Variants in ATP13A4 observed in about 807,000 individuals in gnomAD.
The protein encoded by ATP13A4 is ATPase 13A4.
In ATP13A4, 114 loss-of-function variants were observed where a neutral mutation model predicts 142.5. The observed-to-expected ratio is 0.80, with a 90% CI of 0.69 to 0.93. The LOEUF (loss-of-function observed/expected upper bound fraction) is 0.93, where lower values mean the gene tolerates loss of function less well. Ranked by LOEUF, ATP13A4 falls within the 40% of genes least tolerant of loss-of-function variation. The pLI, the probability that ATP13A4 is intolerant of heterozygous loss-of-function variation, is 0.00. For missense variants in ATP13A4, 1,392 were observed against 1,454.0 expected (o/e 0.96, Z 0.69); for synonymous variants, 488 against 514.8 (o/e 0.95, Z 0.70).
At chr3:193,580,190 T>C (rs1164133948) in intron 2 of ATP13A4, among the ~76,000 whole-genome samples, 1 of 152,198 alleles carries the variant, frequency 6.6e-6, no homozygotes, top group Admixed American at 6.5e-5. Flanking sequence ...CTCCTGCTGA[T>C]ATAGCCTGGT....
chr3:193,589,958 C>T (rs1353039503), intron 1 of ATP13A4, among the ~76,000 whole-genome samples: 1 of 110,832 alleles, frequency 9.0e-6, no homozygotes, highest in Non-Finnish European at 1.9e-5. Context: ...TGTTCTTTTG[C>T]CAAAAAAAAA....
At chr3:193,450,481 T>C (rs1035715406) in intron 17 of ATP13A4, among the ~76,000 whole-genome samples, 2 of 152,136 alleles carry the variant, frequency 1.3e-5, no homozygotes, top group Non-Finnish European at 2.9e-5. Flanking sequence ...TAGCAGAGAC[T>C]GGGAAAAGTA....
chr3:193,466,608 A>C (rs1718303271), intron 10 of ATP13A4, among the ~76,000 whole-genome samples: 1 of 152,244 alleles, frequency 6.6e-6, no homozygotes, highest in South Asian at 2.1e-4. Context: ...CCCACCCTGG[A>C]AAGAACTTGG....
chr3:193,565,174 T>G (rs906886722), intron 2 of ATP13A4, among the ~76,000 whole-genome samples: 1 of 152,230 alleles, frequency 6.6e-6, no homozygotes, highest in Non-Finnish European at 1.5e-5. Context: ...CAACAGTCCA[T>G]GGAAAATTTG....
intron 17 of ATP13A4, among the ~76,000 whole-genome samples, chr3:193,450,785 T>G (rs1360294491): frequency 6.6e-6 from 1 of 152,162 alleles, no homozygotes; most frequent in Non-Finnish European, 1.5e-5. Context: ...TCTGAGGAAC[T>G]TCTGAGCCCC....
chr3:193,410,659 T>C (rs1258275880), intron 28 of ATP13A4, among the ~76,000 whole-genome samples: 1 of 152,156 alleles, frequency 6.6e-6, no homozygotes, highest in African/African-American at 2.4e-5. Flanking sequence ...TTTGAGGCTA[T>C]AGTGAACTAC....
intron 16 of ATP13A4, among the ~76,000 whole-genome samples, chr3:193,455,272 C>A (rs1372808289): frequency 1.4e-5 from 2 of 140,456 alleles, no homozygotes; most frequent in African/African-American, 5.4e-5. Context: ...ACCCGGGAGG[C>A]GGAGCTTGCA....
chr3:193,534,305 C>G (rs551934493), intron 1 of ATP13A4, among the ~76,000 whole-genome samples: 1 of 152,054 alleles, frequency 6.6e-6, no homozygotes, highest in South Asian at 2.1e-4. Flanking sequence ...AACACAATAC[C>G]CAAAAGTTTC....
Position 193,457,027 on chromosome 3 carries a change from C to T in ATP13A4, c.1888G>A (p.Val630Met), listed in dbSNP as rs1334521934. Reference protein sequence around the residue: ...LAFMKGAPERVASFCQPETVP... With the variant: ...LAFMKGAPERMASFCQPETVP... The stretch of plus-strand genomic sequence containing the variant: ...GTCTCAGGTTGGCAAAAGCTGGCCA[C>T]CCTCTCTGGTGCACCTTTCATGAAT... Residue 630 changes from valine (V) to methionine (M), a missense_variant, in exon 16 of 30, where the codon GTG (valine) becomes ATG (methionine). Transcript: ENST00000342695. The T allele has an allele frequency of 6.2e-7, 1 of 1,614,016 alleles. No homozygotes were observed. Among genetic ancestry groups the T allele is most frequent in the East Asian group, 2.2e-5 (1 of 44,876 alleles).
rs139454208 is a variant in ATP13A4 at position 193,407,777 on chromosome 3, G to T, written c.3298-384C>A. Among the ~76,000 whole-genome samples, 3 of 152,294 alleles carry T rather than the reference G, an allele frequency of 2.0e-5. No homozygotes were observed. The East Asian group carries it at 5.8e-4, about 29-fold the overall frequency. ...GCTTTGTTTTGTTTTCAAAAGGGAG[G>T]CAGGAATGTGGCTTTATCCCCAGGA... On this transcript the variant is annotated intron_variant, in intron 28 of 29. Coordinates refer to ENST00000342695, the MANE Select transcript of ATP13A4 (RefSeq NM_032279.4).
Position 193,400,370 on chromosome 3 carries a change from A to C in ATP13A4, c.*2282T>G, listed in dbSNP as rs1224443835. ...CTAGTGATAGAATCACTTAGGATCA[A>C]GGCAAGAGCAACTCAAAGTCTCAGA... On this transcript the variant is annotated 3_prime_UTR_variant, in exon 30 of 30. Transcript: ENST00000342695. Among the ~76,000 whole-genome samples, 1 of 152,236 alleles carries C rather than the reference A, an allele frequency of 6.6e-6. No individual in the cohort carries two copies. Among genetic ancestry groups the C allele is most frequent in the African/African-American group, 2.4e-5 (1 of 41,472 alleles).
intron 29 of ATP13A4, among the ~76,000 whole-genome samples, chr3:193,404,609 C>T (rs1043653388): frequency 2.0e-5 from 3 of 152,080 alleles, no homozygotes; most frequent in African/African-American, 7.2e-5. Context: ...GTGTGTAGCA[C>T]CTTCCCCTTC....
upstream of ATP13A4, among the ~76,000 whole-genome samples, chr3:193,559,704 A>G (rs952542274): frequency 2.0e-5 from 3 of 152,214 alleles, no homozygotes; most frequent in Admixed American, 2.0e-4. Context: ...ACTTGCTCTC[A>G]AATATCCCCG....
rs1718572405 is a variant in ATP13A4, at chr3:193,470,794, G to A, written c.943+65C>T. 3.1e-6 allele frequency: 5 copies of A among 1,610,404 alleles called. No individual in the cohort carries two copies. The Admixed American group carries it at 8.3e-5, about 27-fold the overall frequency. On this transcript the variant is annotated intron_variant, in intron 9 of 29. Coordinates refer to ENST00000342695, the MANE Select transcript of ATP13A4 (RefSeq NM_032279.4). ...ATTCAGGTAGAGGAGGAGGCGTAGG[G>A]ACCATAGCAGCGTGGAGTGTGGGCC...
chr3:193,584,141 A>G (rs1724624145), intron 1 of ATP13A4, among the ~76,000 whole-genome samples: 1 of 152,236 alleles, frequency 6.6e-6, no homozygotes, highest in African/African-American at 2.4e-5. Flanking sequence ...GCAAAGGGTA[A>G]TTAAGTTTGC....
rs567887022 is a variant in ATP13A4 at position 193,520,746 on chromosome 3, G to A, written c.61-5875C>T. Among the ~76,000 whole-genome samples, 8 of 152,280 alleles carry A rather than the reference G, an allele frequency of 5.3e-5. No homozygotes were observed. The South Asian group carries it at 1.7e-3, about 32-fold the overall frequency. ...TAATAATCTCCAACAATGACTACTG[G>A]CATGCAGCTGAGTCCCATTTTCCAT... is the stretch of plus-strand genomic sequence containing the variant. On this transcript the variant is annotated intron_variant, in intron 1 of 29. Coordinates refer to ENST00000342695, the MANE Select transcript of ATP13A4 (RefSeq NM_032279.4).
chr3:193,464,382 A>G (rs1175149054), intron 12 of ATP13A4, among the ~76,000 whole-genome samples: 1 of 152,202 alleles, frequency 6.6e-6, no homozygotes, highest in Non-Finnish European at 1.5e-5. Context: ...AAATAAATAC[A>G]ATAAAAAGAC....
intron 29 of ATP13A4, among the ~76,000 whole-genome samples, chr3:193,405,289 A>T (rs1423607269): frequency 1.3e-5 from 2 of 152,206 alleles, no homozygotes; most frequent in Non-Finnish European, 2.9e-5. Context: ...TTCCCACCTA[A>T]AAGGGAAAAA....
intron 21 of ATP13A4, 63 bp from the exon 22 acceptor site, chr3:193,439,128 A>G: frequency 1.3e-6 from 2 of 1,490,750 alleles, no homozygotes; most frequent in Non-Finnish European, 1.9e-6. Flanking sequence ...TCTCTAATTA[A>G]AAAAACAAAG....
Sources: allele counts gnomAD v4.1 joint callset (sites outside exome capture counted in the v4.1 genomes callset), GRCh38; gene constraint gnomAD v4.1.1; transcripts MANE v1.5; gene names NCBI Gene and HGNC (gene_info 2026-07-23, HGNC 2026-07-21).